The following NEBL variants were observed in gnomAD, a reference collection of about 807,000 sequenced individuals.
NEBL encodes nebulette, also known as LIM and SH3 protein 2.
Under a neutral mutation model 140.2 loss-of-function variants are expected in NEBL, and 122 were observed. The observed-to-expected ratio is 0.87, with a 90% CI of 0.75 to 1.01. The LOEUF (loss-of-function observed/expected upper bound fraction) is 1.01, where lower values mean the gene tolerates loss of function less well. NEBL is among the 50% of genes least tolerant of loss of function. NEBL has a pLI of 0.00. For missense variants in NEBL, 1,365 were observed against 1,231.3 expected, an observed-to-expected ratio of 1.11 and a Z score of -1.62; for synonymous variants, 436 against 398.9, an observed-to-expected ratio of 1.09 and a Z score of -1.11.
chr10:20,910,583 G>A lies in NEBL; in HGVS notation c.357+51089C>T, dbSNP rs576180062. 7.6e-4 allele frequency among the ~76,000 whole-genome samples: 116 copies of A among 152,246 alleles called. 1 individual carries two copies. The highest frequency in any genetic ancestry group is 1.5e-3 in the Non-Finnish European group (99 of 68,010). On this transcript the variant is annotated intron_variant, in intron 4 of 6. Coordinates refer to the NEBL transcript ENST00000417816. Reference sequence around the variant, plus strand: ...CACTGTTTGAAAAGGAGCAAGCATTGGAAGGGCCACATTTGGGGTGGGCAG... The same window carrying A: ...CACTGTTTGAAAAGGAGCAAGCATTAGAAGGGCCACATTTGGGGTGGGCAG...
chr10:20,780,575 A>C lies in NEBL; in HGVS notation c.*5172T>G, dbSNP rs993875512. 4.6e-5 allele frequency: 7 copies of C among 152,208 alleles called. No individual in the cohort carries two copies. The highest frequency in any genetic ancestry group is 1.7e-4 in the African/African-American group (7 of 41,452). The allele number at this position is 152,208 out of a possible 1,614,324, so 9.4% of individuals were successfully genotyped here. A position where few individuals can be genotyped will look rare whatever the true frequency, so the allele number is the denominator to read the frequency against. On this transcript the variant is annotated 3_prime_UTR_variant, in exon 28 of 28. Coordinates refer to ENST00000377122, the MANE Select transcript of NEBL (RefSeq NM_006393.3). ...CAGACCCGGGGTATTATTAGGGTGC[A>C]TTGCTTGCATCTAACAACCCATGCT...
At chr10:21,064,836 T>A (rs1458705790) in intron 2 of NEBL, among the ~76,000 whole-genome samples, 1 of 151,476 alleles carries the variant, frequency 6.6e-6, no homozygotes, top group Non-Finnish European at 1.5e-5. Context: ...TGGTGAGAGG[T>A]GCCATAAAGA....
At chr10:20,868,846 A>T (rs1844612869) in intron 6 of NEBL, 81 bp from the exon 7 acceptor site, 1 of 891,830 alleles carries the variant, frequency 1.1e-6, no homozygotes, top group South Asian at 1.4e-5. Flanking sequence ...AAAAAAAAAA[A>T]AATAACAGAC....
At chr10:21,169,021 C>CCTG (rs1003112783) in intron 2 of NEBL, among the ~76,000 whole-genome samples, 12 of 130,528 alleles carry the variant, frequency 9.2e-5, no homozygotes, top group African/African-American at 3.2e-4. Context: ...TGCACTCCAG[C>CCTG]CTGCGCTACA....
At chr10:20,819,684 G>A (rs1193158802) in intron 19 of NEBL, among the ~76,000 whole-genome samples, 168 bp from the exon 20 acceptor site, 1 of 151,996 alleles carries the variant, frequency 6.6e-6, no homozygotes, top group South Asian at 2.1e-4. Context: ...TATCTTCTTG[G>A]CGATGCCAGT....
chr10:20,879,019 C>G (rs1845768210), intron 5 of NEBL, among the ~76,000 whole-genome samples: 1 of 152,166 alleles, frequency 6.6e-6, no homozygotes, highest in South Asian at 2.1e-4. Context: ...TAACCCGTGG[C>G]CTTTTGTGTG....
chr10:21,180,342 T>G (rs979884760), intron 3 of NEBL, among the ~76,000 whole-genome samples: 1 of 152,122 alleles, frequency 6.6e-6, no homozygotes, highest in Admixed American at 6.5e-5. Context: ...TTCTGGGACT[T>G]CTAAAATAAT....
At chr10:21,129,300 A>C (rs1369626431) in intron 2 of NEBL, among the ~76,000 whole-genome samples, 1 of 151,842 alleles carries the variant, frequency 6.6e-6, no homozygotes, top group Non-Finnish European at 1.5e-5. Context: ...ATTTTTTAAT[A>C]AAAAATAAAA....
chr10:20,859,199 G>A (rs1843409923), intron 8 of NEBL, among the ~76,000 whole-genome samples: 1 of 151,982 alleles, frequency 6.6e-6, no homozygotes, highest in Admixed American at 6.6e-5. Flanking sequence ...CTTGTAAAAT[G>A]AATTTTGATG....
chr10:20,989,804 G>T (rs575123952), intron 3 of NEBL, among the ~76,000 whole-genome samples: 3 of 152,102 alleles, frequency 2.0e-5, no homozygotes, highest in Admixed American at 1.3e-4. Context: ...TGGAGCAGGG[G>T]TCCTTACCCT....
intron 3 of NEBL, among the ~76,000 whole-genome samples, chr10:21,008,944 A>G (rs923684664): frequency 1.3e-5 from 2 of 151,462 alleles, no homozygotes; most frequent in Admixed American, 1.3e-4. Flanking sequence ...TTTATTATAT[A>G]TGTATATAAA....
intron 3 of NEBL, among the ~76,000 whole-genome samples, chr10:20,997,026 T>C (rs911420937): frequency 6.6e-6 from 1 of 152,230 alleles, no homozygotes; most frequent in Non-Finnish European, 1.5e-5. Context: ...CATAAACATT[T>C]AGTTTCAAAA....
chr10:20,899,315 TCA>T, upstream of NEBL: 1 of 1,045,826 alleles, frequency 9.6e-7, no homozygotes, highest in South Asian at 1.4e-5. Context: ...ACCTTTTGGC[TCA>T]TATTTGAGGA....
intron 3 of NEBL, among the ~76,000 whole-genome samples, chr10:20,994,759 A>C (rs1415284427): frequency 1.3e-5 from 2 of 152,206 alleles, no homozygotes; most frequent in African/African-American, 4.8e-5. Context: ...CTAGAGAAAA[A>C]ATGTTATTAA....
chr10:21,044,990 T>C (rs1445536584), intron 2 of NEBL, among the ~76,000 whole-genome samples: 2 of 152,206 alleles, frequency 1.3e-5, no homozygotes, highest in Non-Finnish European at 2.9e-5. Flanking sequence ...AAAAAAAGTA[T>C]AATTGGCTTG....
chr10:21,036,495 G>A (rs936651224), intron 2 of NEBL, among the ~76,000 whole-genome samples: 7 of 152,096 alleles, frequency 4.6e-5, no homozygotes, highest in African/African-American at 1.7e-4. Flanking sequence ...AGCATTGACA[G>A]TAGAAAGGAA....
At chr10:21,044,110 C>G (rs192830191) in intron 2 of NEBL, among the ~76,000 whole-genome samples, 76 of 152,226 alleles carry the variant, frequency 5.0e-4, no homozygotes, top group African/African-American at 1.7e-3. Flanking sequence ...TAAAAAGCCA[C>G]CATAGGCAGG....
chr10:21,046,374 A>T lies in NEBL; in HGVS notation c.165-26173T>A, dbSNP rs191939772. Among the ~76,000 whole-genome samples, 224 of 152,330 alleles carry T rather than the reference A, an allele frequency of 1.5e-3. 1 individual carries two copies. The highest frequency in any genetic ancestry group is 4.8e-3 in the African/African-American group (198 of 41,582). On this transcript the variant is annotated intron_variant, in intron 2 of 6. Transcript: ENST00000417816. ...AAATTGCTAGGAAAATAGATTTTGTAGTGTTATACGAGGTAATACATATGT... is the reference window on the plus strand; with the variant it reads ...AAATTGCTAGGAAAATAGATTTTGTTGTGTTATACGAGGTAATACATATGT...
At chr10:20,870,526 C>A (rs562851699) in intron 5 of NEBL, among the ~76,000 whole-genome samples, 6 of 152,130 alleles carry the variant, frequency 3.9e-5, no homozygotes, top group Admixed American at 2.6e-4. Context: ...AAGTCTCAAG[C>A]CCCAGTGGGT....
Sources: gnomAD v4.1 joint callset for allele counts (sites outside exome capture counted in the v4.1 genomes callset) on GRCh38, gnomAD v4.1.1 for gene constraint, MANE v1.5 for transcripts, NCBI Gene and HGNC (gene_info 2026-07-23, HGNC 2026-07-21) for gene names.